BAHD1: variants seen among roughly 807,000 people sequenced by gnomAD.
BAHD1 encodes bromo adjacent homology domain containing 1, also known as bromo adjacent homology domain-containing 1 protein.
In BAHD1, 20 loss-of-function variants were observed where a neutral mutation model predicts 63.1. The ratio of observed to expected loss-of-function variants is 0.32; its 90% CI spans 0.22 to 0.46. The LOEUF is 0.46. Among genes scored for constraint, BAHD1 ranks in the 20% least tolerant of loss-of-function variants. BAHD1 has a pLI of 1.00. For synonymous variants in BAHD1, 408 were observed against 426.8 expected, an observed-to-expected ratio of 0.96 and a Z score of 0.54; for missense variants, 939 against 1,071.8, an observed-to-expected ratio of 0.88 and a Z score of 1.73.
chr15:40,454,177 C>T (rs1893784942), intron 1 of BAHD1: 1 of 152,262 alleles, frequency 6.6e-6, no homozygotes, highest in Non-Finnish European at 1.5e-5. Context: ...GTGACCTGCC[C>T]TTCCAGGCCC....
At chr15:40,454,876 G>T (rs1335217181) in intron 1 of BAHD1, among the ~76,000 whole-genome samples, 1 of 152,140 alleles carries the variant, frequency 6.6e-6, no homozygotes, top group Non-Finnish European at 1.5e-5. Context: ...ACTTTGCTGG[G>T]ATCCCCTCTC....
chr15:40,437,456 C>G (rs943393649), upstream of BAHD1, among the ~76,000 whole-genome samples: 1 of 152,234 alleles, frequency 6.6e-6, no homozygotes, highest in East Asian at 1.9e-4. Flanking sequence ...TCCCCCACCC[C>G]CCAGGGGCTT....
At chr15:40,464,614 C>A in intron 5 of BAHD1, 67 bp downstream of exon 5, 3 of 1,380,852 alleles carry the variant, frequency 2.2e-6, no homozygotes, top group South Asian at 1.2e-5. Context: ...GGCACTAAGA[C>A]GTGGTAGGGG....
At chr15:40,458,000 CAAAA>C (rs1326965778) in intron 1 of BAHD1, among the ~76,000 whole-genome samples, 1 of 151,302 alleles carries the variant, frequency 6.6e-6, no homozygotes, top group Non-Finnish European at 1.5e-5. Flanking sequence ...CTCCGTCTCT[CAAAA>C]AAAGAAAAAA....
rs1893975953 is a variant in BAHD1, at chr15:40,459,707, C to A, written c.1243C>A (p.Leu415Ile). 1 of 1,613,800 alleles carries A rather than the reference C, an allele frequency of 6.2e-7. No individual in the cohort carries two copies. The highest frequency in any genetic ancestry group is 8.5e-7 in the Non-Finnish European group (1 of 1,179,984). ...AGTGGCTGCACCTCACGAGGAGGGG[C>A]TCCTCTTAGCTCCGAGCTCAGTGCC... is the stretch of plus-strand genomic sequence containing the variant. Reference protein sequence around the residue: ...SPVAAPHEEGLLLAPSSVPSG... With the variant: ...SPVAAPHEEGILLAPSSVPSG... Residue 415 changes from leucine to isoleucine, a missense_variant, in exon 2 of 7, where the codon CTC becomes ATC. Coordinates refer to ENST00000416165, the MANE Select transcript of BAHD1 (RefSeq NM_014952.5).
At chr15:40,445,276 A>C (rs1049153469) in intron 1 of BAHD1, among the ~76,000 whole-genome samples, 1 of 148,854 alleles carries the variant, frequency 6.7e-6, no homozygotes, top group Non-Finnish European at 1.5e-5. Flanking sequence ...AAAAAAAAAA[A>C]CAACCCTTTC....
chr15:40,447,872 C>T (rs1408222347), intron 1 of BAHD1, among the ~76,000 whole-genome samples: 1 of 152,120 alleles, frequency 6.6e-6, no homozygotes, highest in Admixed American at 6.5e-5. Flanking sequence ...AAAATCAGGA[C>T]AACGTATCTT....
At chr15:40,448,974 T>G (rs1291257287) in intron 1 of BAHD1, among the ~76,000 whole-genome samples, 1 of 152,096 alleles carries the variant, frequency 6.6e-6, no homozygotes, top group Non-Finnish European at 1.5e-5. Flanking sequence ...CCAGCTAATT[T>G]TTGTATTTTT....
intron 1 of BAHD1, chr15:40,454,781 G>A (rs1310657092): frequency 2.0e-5 from 3 of 152,292 alleles, no homozygotes; most frequent in African/African-American, 7.2e-5. Context: ...CCTAGCAGTG[G>A]TTGAAAGTTT....
chr15:40,454,261 GC>G (rs2141503455), intron 1 of BAHD1: 1 of 152,472 alleles, frequency 6.6e-6, no homozygotes, highest in East Asian at 1.9e-4. Flanking sequence ...TGAACCTTCA[GC>G]CCGGCATGAA....
intron 1 of BAHD1, among the ~76,000 whole-genome samples, chr15:40,442,262 A>G (rs1893424912): frequency 6.6e-6 from 1 of 150,802 alleles, no homozygotes; most frequent in Non-Finnish European, 1.5e-5. Context: ...ACCCACTCCG[A>G]GGGGCGGGCG....
intron 1 of BAHD1, among the ~76,000 whole-genome samples, chr15:40,441,815 C>T (rs1382024589): frequency 1.3e-5 from 2 of 149,944 alleles, no homozygotes; most frequent in African/African-American, 4.9e-5. Flanking sequence ...GGGCGCCCTC[C>T]CGCGCTGGGA....
At position 40,458,396 on chromosome 15, in the gene BAHD1, C is replaced by T; in HGVS notation, c.-14-55C>T. On this transcript the variant is annotated intron_variant, in intron 1 of 6. Transcript: ENST00000416165. This position sits in a 1 kb window ranked among gnomAD's most constrained non-coding sequence, Gnocchi z 4.7. The stretch of plus-strand genomic sequence containing the variant: ...GGGTAGGCTGCAGTGGGAGAGAAAG[C>T]AGGCAGGAGCAGGCCAGAGAGGGCT... 3 of 1,509,276 alleles carry T rather than the reference C, an allele frequency of 2.0e-6. No individual in the cohort carries two copies. Among genetic ancestry groups the T allele is most frequent in the Non-Finnish European group, 2.7e-6 (3 of 1,129,536 alleles). 93.5% of individuals were successfully genotyped at this position (1,509,276 alleles called of 1,614,324 possible).
chr15:40,449,228 A>T (rs1452952174), intron 1 of BAHD1, among the ~76,000 whole-genome samples: 1 of 152,144 alleles, frequency 6.6e-6, no homozygotes, highest in African/African-American at 2.4e-5. Context: ...TGTGCTTAGG[A>T]CCTTGCCAGG....
upstream of BAHD1, among the ~76,000 whole-genome samples, chr15:40,440,391 A>AG (rs746422582): frequency 1.1e-4 from 16 of 151,932 alleles, no homozygotes; most frequent in East Asian, 1.6e-3. Flanking sequence ...TCTGCAGGAA[A>AG]GGGGGGTTGT....
intron 1 of BAHD1, among the ~76,000 whole-genome samples, chr15:40,442,615 C>T (rs1893435942): frequency 6.6e-6 from 1 of 152,116 alleles, no homozygotes; most frequent in Non-Finnish European, 1.5e-5. Flanking sequence ...GTTAGAAGTG[C>T]AGAAGACTAG....
intron 1 of BAHD1, among the ~76,000 whole-genome samples, chr15:40,442,126 C>T (rs1173334107): frequency 1.3e-5 from 2 of 152,156 alleles, no homozygotes. Context: ...TCCGCCGCCT[C>T]TCTTCTGGGG....
chr15:40,458,437 C>G lies in BAHD1; in HGVS notation c.-14-14C>G. ...AGAGAGGGCTTCTCTCATTGCCCAC[C>G]TTCTGTCCTGCAGGTTGGAAGTACT... is the stretch of plus-strand genomic sequence containing the variant. On this transcript the variant is annotated splice_polypyrimidine_tract_variant and intron_variant, in intron 1 of 6. Transcript: ENST00000416165. This position sits in a 1 kb window ranked among gnomAD's most constrained non-coding sequence, Gnocchi z 4.7. 2 of 1,537,004 alleles carry G rather than the reference C, an allele frequency of 1.3e-6. No homozygotes were observed. Among genetic ancestry groups the G allele is most frequent in the Non-Finnish European group, 1.8e-6 (2 of 1,139,562 alleles).
chr15:40,461,068 C>T (rs1894024508), intron 2 of BAHD1, among the ~76,000 whole-genome samples: 1 of 152,168 alleles, frequency 6.6e-6, no homozygotes, highest in South Asian at 2.1e-4. Flanking sequence ...AGCCAGACTG[C>T]CTGGAGTGAA....
Sources: gnomAD v4.1 joint callset for allele counts (sites outside exome capture counted in the v4.1 genomes callset) on GRCh38, gnomAD v4.1.1 for gene constraint, Gnocchi (gnomAD v3.1) non-coding constraint, MANE v1.5 for transcripts, NCBI Gene and HGNC (gene_info 2026-07-23, HGNC 2026-07-21) for gene names.